Variants in CGNL1 observed in about 807,000 individuals in gnomAD.
The protein encoded by CGNL1 is cingulin-like protein 1.
A neutral mutation model predicts 141.2 loss-of-function variants in CGNL1; 132 were observed. The ratio of observed to expected loss-of-function variants is 0.93; its 90% confidence interval spans 0.81 to 1.08. CGNL1 has a LOEUF of 1.08. Ranked by LOEUF, CGNL1 falls within the 50% of genes least tolerant of loss-of-function variation. CGNL1 has a pLI of 0.00. For synonymous variants in CGNL1, 690 were observed against 622.1 expected, an observed-to-expected ratio of 1.11 and a Z score of -1.63; for missense variants, 1,870 against 1,588.6, an observed-to-expected ratio of 1.18 and a Z score of -3.01.
chr15:57,447,118 A>C (rs183708405), intron 4 of CGNL1, among the ~76,000 whole-genome samples: 116 of 152,158 alleles, frequency 7.6e-4, no homozygotes, highest in African/African-American at 2.2e-3. Context: ...CTGACGTCTT[A>C]ATATTATTGG....
chr15:57,545,785 C>A, intron 17 of CGNL1, 85 bp downstream of exon 17: 3 of 1,147,386 alleles, frequency 2.6e-6, no homozygotes, highest in Middle Eastern at 2.1e-4. Flanking sequence ...CCTCCCTGAG[C>A]AGGAGTGGAG....
At chr15:57,472,630 A>T (rs1465177787) in intron 8 of CGNL1, among the ~76,000 whole-genome samples, 3 of 152,106 alleles carry the variant, frequency 2.0e-5, no homozygotes, top group Non-Finnish European at 2.9e-5. Flanking sequence ...TTTTAAAGGG[A>T]TTATTACCTG....
chr15:57,469,417 C>A (rs557128260), intron 8 of CGNL1, among the ~76,000 whole-genome samples: 1 of 149,402 alleles, frequency 6.7e-6, no homozygotes, highest in African/African-American at 2.5e-5. Flanking sequence ...GAGAAAGAAG[C>A]GAAGGGGGCC....
At chr15:57,518,367 C>T (rs369350349) in intron 9 of CGNL1, 26 bp from the exon 10 acceptor site, 306 of 1,518,050 alleles carry the variant, frequency 2.0e-4, no homozygotes, top group Non-Finnish European at 2.6e-4. Context: ...CATCTAAGTG[C>T]ACACTGACCC....
At position 57,438,907 on chromosome 15, in the gene CGNL1, C is replaced by G; in HGVS notation, c.908C>G (p.Pro303Arg). The G allele has an allele frequency of 6.2e-7, 1 of 1,614,206 alleles. No homozygotes were observed. Among genetic ancestry groups the G allele is most frequent in the Non-Finnish European group, 8.5e-7 (1 of 1,180,036 alleles). ...AGGTCCTCCTCGTCATCCACAACTC[C>G]CACGTCAGCCAACTCTTTGTACAGG... The part of the protein sequence containing the change: ...SRRSSSSSTT[P>R]TSANSLYRFL... The change falls in exon 2 of 19, where the codon CCC (proline) becomes CGC (arginine). Residue 303 changes from proline to arginine, a missense_variant. By Grantham distance (103) the Pro-to-Arg change is moderately radical. Coordinates refer to ENST00000281282, the MANE Select transcript of CGNL1 (RefSeq NM_032866.5).
intron 8 of CGNL1, among the ~76,000 whole-genome samples, chr15:57,488,320 T>C (rs1016465739): frequency 6.6e-6 from 1 of 152,204 alleles, no homozygotes; most frequent in Non-Finnish European, 1.5e-5. Context: ...ATATTTAATT[T>C]GCAAAATTTT....
At chr15:57,430,809 C>A (rs567302048) in intron 1 of CGNL1, among the ~76,000 whole-genome samples, 1 of 152,100 alleles carries the variant, frequency 6.6e-6, no homozygotes, top group Non-Finnish European at 1.5e-5. Context: ...AACCTCCACC[C>A]CCAGGGTTCA....
chr15:57,415,135 A>G lies in CGNL1; in HGVS notation c.-15-22850A>G, dbSNP rs573711531. Among the ~76,000 whole-genome samples, 253 of 152,298 alleles carry G rather than the reference A, an allele frequency of 1.7e-3. 8 individuals carry two copies. In the South Asian group the frequency reaches 0.052, roughly 31 times the overall value. ...TTATCTCATCTCAGCTTCGGTCTGA[A>G]CATTTAAGTCCTTTTTCTTTTCTTC... On this transcript the variant is annotated intron_variant, in intron 1 of 18. Transcript: ENST00000281282.
chr15:57,523,717 G>A, intron 11 of CGNL1, 76 bp downstream of exon 11: 1 of 1,510,464 alleles, frequency 6.6e-7, no homozygotes, highest in South Asian at 1.3e-5. Flanking sequence ...AGGGTCTGGT[G>A]AAAGCCTGGG....
chr15:57,505,581 T>C (rs1457994145), intron 8 of CGNL1, among the ~76,000 whole-genome samples: 3 of 152,170 alleles, frequency 2.0e-5, no homozygotes, highest in African/African-American at 7.2e-5. Flanking sequence ...GAGGAAATAA[T>C]AAAGGTCACT....
chr15:57,388,398 C>T (rs895473505), intron 1 of CGNL1, among the ~76,000 whole-genome samples: 1 of 152,286 alleles, frequency 6.6e-6, no homozygotes, highest in Middle Eastern at 3.4e-3. Flanking sequence ...TGCTGACACG[C>T]ACTGGTGATT....
chr15:57,445,020 G>T (rs2063234018), intron 4 of CGNL1, among the ~76,000 whole-genome samples: 1 of 152,176 alleles, frequency 6.6e-6, no homozygotes, highest in Non-Finnish European at 1.5e-5. Flanking sequence ...CCGGCACTTT[G>T]GGAGGCTGTG....
At chr15:57,398,161 A>G (rs2062622869) in intron 1 of CGNL1, among the ~76,000 whole-genome samples, 1 of 152,274 alleles carries the variant, frequency 6.6e-6, no homozygotes, top group Admixed American at 6.5e-5. Flanking sequence ...GCATTTGGAA[A>G]ATACAGAAAA....
chr15:57,481,340 C>T (rs116269835), intron 8 of CGNL1, among the ~76,000 whole-genome samples: 27 of 152,234 alleles, frequency 1.8e-4, no homozygotes, highest in African/African-American at 4.8e-4. Context: ...CATGCCATCT[C>T]GCTTTCCCTC....
intron 1 of CGNL1, among the ~76,000 whole-genome samples, chr15:57,380,803 A>T (rs1595638700): frequency 6.6e-6 from 1 of 152,288 alleles, no homozygotes; most frequent in African/African-American, 2.4e-5. Context: ...GGCTGGATCC[A>T]TTTTTGGCAC....
At chr15:57,490,549 A>G (rs2063845527) in intron 8 of CGNL1, among the ~76,000 whole-genome samples, 2 of 152,212 alleles carry the variant, frequency 1.3e-5, no homozygotes, top group African/African-American at 2.4e-5. Context: ...ATAAATGCTC[A>G]TGGTGTTCAC....
At chr15:57,502,532 C>T (rs1040080629) in intron 8 of CGNL1, among the ~76,000 whole-genome samples, 1 of 152,158 alleles carries the variant, frequency 6.6e-6, no homozygotes, top group East Asian at 1.9e-4. Flanking sequence ...GAATGAAATA[C>T]AGGCCTGTTT....
Position 57,439,076 on chromosome 15 carries a change from A to T in CGNL1, c.1077A>T (p.Lys359Asn). 4 of 1,613,766 alleles carry T rather than the reference A, an allele frequency of 2.5e-6. No homozygotes were observed. The highest frequency in any genetic ancestry group is 3.4e-6 in the Non-Finnish European group (4 of 1,179,934). ...SIPGVDQLIE[K>N]FDQKPGLQRR... ...CTGGTGTGGATCAGTTAATTGAAAA[A>T]TTTGATCAAAAACCTGGGCTTCAGA... Residue 359 changes from lysine to asparagine, a missense_variant, in exon 2 of 19, where the codon AAA (lysine) becomes AAT (asparagine). By Grantham distance (94) the Lys-to-Asn change is moderately conservative (BLOSUM62 0). Coordinates refer to ENST00000281282, the MANE Select transcript of CGNL1 (RefSeq NM_032866.5).
rs751791509 is a variant in CGNL1, at chr15:57,439,475, AAAG to A, written c.1477_1479del (p.Lys493del). 3.7e-4 allele frequency: 599 copies of A among 1,614,236 alleles called. No homozygotes were observed. Among genetic ancestry groups the A allele is most frequent in the Non-Finnish European group, 4.8e-4 (566 of 1,180,048 alleles). ...CGCCCTCCCTTGGTGCACAGAGTAA[AAAG>A]GAGGAGGAGGTGAAAACAGCCACCG... On this transcript the variant is annotated inframe_deletion, in exon 2 of 19. Coordinates refer to ENST00000281282, the MANE Select transcript of CGNL1 (RefSeq NM_032866.5).
Sources: gnomAD v4.1 joint callset for allele counts (sites outside exome capture counted in the v4.1 genomes callset) on GRCh38, gnomAD v4.1.1 for gene constraint, MANE v1.5 for transcripts, NCBI Gene and HGNC (gene_info 2026-07-23, HGNC 2026-07-21) for gene names.